The following SEPTIN7 variants were observed in gnomAD, a reference collection of about 807,000 sequenced individuals.
The protein encoded by SEPTIN7 is septin 7, also known as septin-7.
A neutral mutation model predicts 63.3 loss-of-function variants in SEPTIN7; 10 were observed. The observed-to-expected ratio is 0.16, with a 90% CI of 0.10 to 0.27. SEPTIN7 has a LOEUF of 0.27. SEPTIN7 is among the 10% of genes least tolerant of loss of function. The pLI, the probability that SEPTIN7 is intolerant of heterozygous loss-of-function variation, is 1.00. For synonymous variants in SEPTIN7, 131 were observed against 165.3 expected (o/e 0.79, Z 1.59); for missense variants, 310 against 521.0 (o/e 0.59, Z 3.94).
At chr7:35,815,177 T>G (rs778856259) in intron 1 of SEPTIN7, 3 of 446,720 alleles carry the variant, frequency 6.7e-6, no homozygotes, top group South Asian at 4.8e-5. Context: ...TCATCTTGTA[T>G]TTTTCGTGCC....
At chr7:35,865,706 T>G (rs1785774463) in intron 4 of SEPTIN7, among the ~76,000 whole-genome samples, 3 of 152,224 alleles carry the variant, frequency 2.0e-5, no homozygotes, top group Non-Finnish European at 2.9e-5. Context: ...TTAACTGTTA[T>G]TTCATGAAAG....
intron 4 of SEPTIN7, among the ~76,000 whole-genome samples, chr7:35,866,266 C>A (rs1375775024): frequency 1.3e-5 from 2 of 152,196 alleles, no homozygotes; most frequent in African/African-American, 4.8e-5. Context: ...CAGAGTCATT[C>A]AAGAAGCCTG....
intron 1 of SEPTIN7, among the ~76,000 whole-genome samples, chr7:35,813,027 AT>A (rs1788827063): frequency 2.0e-5 from 3 of 152,190 alleles, no homozygotes; most frequent in Non-Finnish European, 4.4e-5. Flanking sequence ...GGAGGCCTTA[AT>A]AATAACTATC....
rs533066221 is a variant in SEPTIN7, at chr7:35,904,593, T to C, written c.*300T>C. ...ATTTTACTGTTGTACAATCATGTTC[T>C]GGTGGTTTGATTGTTTACAGGATAT... On this transcript the variant is annotated 3_prime_UTR_variant, in exon 14 of 14. Coordinates refer to ENST00000350320, the MANE Select transcript of SEPTIN7 (RefSeq NM_001788.6). 1 of 224,554 alleles carries C rather than the reference T, an allele frequency of 4.5e-6. No homozygotes were observed. Among genetic ancestry groups the C allele is most frequent in the East Asian group, 9.1e-5 (1 of 11,014 alleles). The allele number at this position is 224,554 out of a possible 1,614,324, so 13.9% of individuals were successfully genotyped here.
At chr7:35,877,310 C>G (rs1340209298) in intron 6 of SEPTIN7, among the ~76,000 whole-genome samples, 1 of 152,110 alleles carries the variant, frequency 6.6e-6, no homozygotes, top group African/African-American at 2.4e-5. Flanking sequence ...TCTTAATTCT[C>G]CATGTTTGCT....
chr7:35,832,523 G>A, intron 2 of SEPTIN7: 1 of 307,550 alleles, frequency 3.3e-6, no homozygotes, highest in Non-Finnish European at 6.3e-6. Context: ...ACTAACTACT[G>A]TCAATTGAAA....
rs535454033 is a variant in SEPTIN7, at chr7:35,830,735, A to G, written c.62-757A>G. ...GTTGTGATATAACTCATAGATTTGTATCAGTATAAAAATGCACACTTTTCA... is the reference window on the plus strand; with the variant it reads ...GTTGTGATATAACTCATAGATTTGTGTCAGTATAAAAATGCACACTTTTCA... On this transcript the variant is annotated intron_variant, in intron 1 of 13. Coordinates refer to ENST00000350320, the MANE Select transcript of SEPTIN7 (RefSeq NM_001788.6). Among the ~76,000 whole-genome samples, 6 of 152,324 alleles carry G rather than the reference A, an allele frequency of 3.9e-5. 1 individual carries two copies. In the South Asian group the frequency reaches 8.3e-4, roughly 21 times the overall value.
At chr7:35,899,306 A>G (rs538972587) in intron 12 of SEPTIN7, 36 of 152,254 alleles carry the variant, frequency 2.4e-4, no homozygotes, top group Admixed American at 7.9e-4. Context: ...AGGCTGAGGC[A>G]CACAGATCAC....
At chr7:35,812,589 C>T (rs1045281172) in intron 1 of SEPTIN7, among the ~76,000 whole-genome samples, 2 of 152,000 alleles carry the variant, frequency 1.3e-5, no homozygotes, top group African/African-American at 4.8e-5. Flanking sequence ...TTGGGAGGCT[C>T]CATTGCTTTT....
intron 11 of SEPTIN7, among the ~76,000 whole-genome samples, chr7:35,892,341 CTT>C (rs540941551): frequency 1.1e-3 from 166 of 152,208 alleles, no homozygotes; most frequent in Non-Finnish European, 1.9e-3. Context: ...CTTTTTATCT[CTT>C]TTGAGCAAAA....
At chr7:35,848,117 A>G (rs1184321100) in intron 3 of SEPTIN7, 3 of 152,222 alleles carry the variant, frequency 2.0e-5, no homozygotes, top group Non-Finnish European at 4.4e-5. Context: ...GTGTTTCTGC[A>G]AAATCTACTT....
chr7:35,810,630 T>C (rs897629627), intron 1 of SEPTIN7, among the ~76,000 whole-genome samples: 1 of 152,056 alleles, frequency 6.6e-6, no homozygotes, highest in African/African-American at 2.4e-5. Flanking sequence ...GCCAGATGTT[T>C]ACTTATTTAA....
Position 35,882,562 on chromosome 7 carries a change from G to C in SEPTIN7, c.709G>C (p.Val237Leu). The C allele has an allele frequency of 6.7e-7, 1 of 1,481,760 alleles. No individual in the cohort carries two copies. Among genetic ancestry groups the C allele is most frequent in the Non-Finnish European group, 9.0e-7 (1 of 1,107,686 alleles). The allele number at this position is 1,481,760 out of a possible 1,614,324, so 91.8% of individuals were successfully genotyped here. ...AGATGATGAAGAAGAAAATAAACTT[G>C]TTAAAAAGATAAAGGTAGGTTCATC... ...ETDDEEENKL[V>L]KKIKDRLPLA... Residue 237 changes from valine to leucine, a missense_variant, in exon 8 of 14, where the codon GTT (valine) becomes CTT (leucine). This residue lies in a region of SEPTIN7 where 255 missense variants were observed against 490.5 expected (regional missense o/e 0.52). Coordinates refer to ENST00000350320, the MANE Select transcript of SEPTIN7 (RefSeq NM_001788.6).
intron 4 of SEPTIN7, among the ~76,000 whole-genome samples, chr7:35,866,156 A>G (rs887356637): frequency 2.6e-5 from 4 of 152,178 alleles, no homozygotes; most frequent in African/African-American, 9.7e-5. Flanking sequence ...TGATTGAACC[A>G]TGGAGGTGTA....
At chr7:35,832,347 GAAGAC>G (rs1783872811) in intron 2 of SEPTIN7, among the ~76,000 whole-genome samples, 1 of 152,026 alleles carries the variant, frequency 6.6e-6, no homozygotes, top group African/African-American at 2.4e-5. Flanking sequence ...TCATGAATAA[GAAGAC>G]AAATTTCAAG....
At chr7:35,809,930 AAG>A (rs1183807305) in intron 1 of SEPTIN7, among the ~76,000 whole-genome samples, 2 of 152,278 alleles carry the variant, frequency 1.3e-5, no homozygotes, top group African/African-American at 4.8e-5. Flanking sequence ...GGCAATGGGA[AAG>A]GACATGAGGG....
At chr7:35,827,484 C>G (rs1164362186) in intron 1 of SEPTIN7, among the ~76,000 whole-genome samples, 1 of 151,906 alleles carries the variant, frequency 6.6e-6, no homozygotes, top group African/African-American at 2.4e-5. Context: ...TTTAATCGAC[C>G]AGTATTAAAT....
chr7:35,850,039 A>T (rs879395520), intron 3 of SEPTIN7, among the ~76,000 whole-genome samples: 6 of 152,320 alleles, frequency 3.9e-5, no homozygotes, highest in Admixed American at 6.5e-5. Context: ...TGAACATAAG[A>T]ATTTCTTAAT....
chr7:35,902,122 T>C (rs1001609287), intron 12 of SEPTIN7: 1 of 151,360 alleles, frequency 6.6e-6, no homozygotes, highest in Non-Finnish European at 1.5e-5. Flanking sequence ...GTAAAATCTG[T>C]AACAGAACAT....
Sources: gnomAD v4.1 joint callset for allele counts (sites outside exome capture counted in the v4.1 genomes callset) on GRCh38, gnomAD v4.1.1 for gene constraint, gnomAD v4.1.1 regional missense constraint, MANE v1.5 for transcripts, NCBI Gene and HGNC (gene_info 2026-07-23, HGNC 2026-07-21) for gene names.